Variants in CAPN2 observed in about 807,000 individuals in gnomAD.
The protein encoded by CAPN2 is calpain 2.
CAPN2 carries 92 observed loss-of-function variants against 102.3 expected under a neutral mutation model. The observed-to-expected ratio is 0.90, with a 90% CI of 0.76 to 1.07. CAPN2 has a LOEUF of 1.07. Ranked by LOEUF, CAPN2 falls within the 50% of genes least tolerant of loss-of-function variation. The pLI, the probability that CAPN2 is intolerant of heterozygous loss-of-function variation, is 0.00. For synonymous variants in CAPN2, 340 were observed against 355.4 expected, an observed-to-expected ratio of 0.96 and a Z score of 0.49; for missense variants, 800 against 909.4, an observed-to-expected ratio of 0.88 and a Z score of 1.55.
intron 2 of CAPN2, among the ~76,000 whole-genome samples, chr1:223,734,612 T>C (rs966678081): frequency 7.9e-5 from 12 of 151,334 alleles, no homozygotes; most frequent in Admixed American, 6.6e-4. Context: ...CACAACCCTC[T>C]CTCCTTGCCC....
At chr1:223,739,724 C>G (rs1247413220) in intron 2 of CAPN2, among the ~76,000 whole-genome samples, 2 of 152,168 alleles carry the variant, frequency 1.3e-5, no homozygotes, top group African/African-American at 4.8e-5. Flanking sequence ...TTTGCAGATA[C>G]ATAATATTAA....
At chr1:223,719,035 A>G (rs1414788135) in intron 2 of CAPN2, among the ~76,000 whole-genome samples, 2 of 152,200 alleles carry the variant, frequency 1.3e-5, no homozygotes, top group Non-Finnish European at 2.9e-5. Flanking sequence ...TGGGCGGGAA[A>G]GTTTGTCTGA....
At chr1:223,745,131 G>A (rs148106740) in intron 3 of CAPN2, among the ~76,000 whole-genome samples, 175 bp from the exon 4 acceptor site, 8 of 151,966 alleles carry the variant, frequency 5.3e-5, no homozygotes, top group South Asian at 2.1e-4. Flanking sequence ...CTCTGTCTTC[G>A]CTTTTTTAGT....
intron 2 of CAPN2, among the ~76,000 whole-genome samples, chr1:223,728,039 G>T (rs1258027575): frequency 6.6e-6 from 1 of 152,084 alleles, no homozygotes; most frequent in African/African-American, 2.4e-5. Flanking sequence ...GACTCTGTTA[G>T]CAGGTGTATC....
chr1:223,753,933 GC>G (rs1660968372), intron 9 of CAPN2, among the ~76,000 whole-genome samples: 1 of 152,036 alleles, frequency 6.6e-6, no homozygotes, highest in Non-Finnish European at 1.5e-5. Flanking sequence ...AACACTTCTG[GC>G]CCCAGGAATT....
intron 1 of CAPN2, among the ~76,000 whole-genome samples, chr1:223,705,853 A>C (rs908688151): frequency 6.6e-6 from 1 of 152,222 alleles, no homozygotes; most frequent in African/African-American, 2.4e-5. Context: ...TTCCCCAAAT[A>C]ATTTCACATA....
At chr1:223,737,711 G>GT (rs1558066451) in intron 2 of CAPN2, among the ~76,000 whole-genome samples, 2 of 30,836 alleles carry the variant, frequency 6.5e-5, no homozygotes, top group African/African-American at 1.6e-4. Context: ...ACGGGGCGGG[G>GT]GGTGGGGGGG....
chr1:223,745,596 C>A (rs1347697014), intron 4 of CAPN2, among the ~76,000 whole-genome samples, 157 bp downstream of exon 4: 1 of 152,172 alleles, frequency 6.6e-6, no homozygotes, highest in Non-Finnish European at 1.5e-5. Context: ...CATGATGAAA[C>A]CCCGTCTCTA....
At chr1:223,710,332 C>A (rs1659702485), upstream of CAPN2, among the ~76,000 whole-genome samples, 1 of 152,126 alleles carries the variant, frequency 6.6e-6, no homozygotes, top group Non-Finnish European at 1.5e-5. Context: ...AAAGGCTAGA[C>A]CCAGATCTTC....
intron 2 of CAPN2, among the ~76,000 whole-genome samples, chr1:223,743,611 C>T (rs1221383588): frequency 6.6e-6 from 1 of 152,178 alleles, no homozygotes; most frequent in Admixed American, 6.5e-5. Context: ...CCTGCCGCAG[C>T]CTCCCAAGTA....
intron 2 of CAPN2, 21 bp from the exon 3 acceptor site, chr1:223,744,079 C>T (rs534513310): frequency 1.3e-6 from 2 of 1,506,998 alleles, no homozygotes; most frequent in South Asian, 1.1e-5. Flanking sequence ...CTGATAAGAG[C>T]TCCTTGTGCT....
intron 14 of CAPN2, among the ~76,000 whole-genome samples, chr1:223,762,541 C>T (rs1661216163): frequency 6.6e-6 from 1 of 152,160 alleles, no homozygotes; most frequent in Admixed American, 6.5e-5. Flanking sequence ...CTCTGTTCTA[C>T]ACCAATTGAG....
At chr1:223,738,666 G>A (rs1202283540) in intron 2 of CAPN2, among the ~76,000 whole-genome samples, 1 of 152,214 alleles carries the variant, frequency 6.6e-6, no homozygotes, top group African/African-American at 2.4e-5. Flanking sequence ...CAGCTGACAG[G>A]AGCAGCCTCC....
chr1:223,724,449 T>A (rs73121394), intron 2 of CAPN2, among the ~76,000 whole-genome samples: 3 of 152,114 alleles, frequency 2.0e-5, no homozygotes, highest in Non-Finnish European at 4.4e-5. Flanking sequence ...TCTGCACTGC[T>A]CCAAACAGCA....
At chr1:223,749,781 G>A (rs1174679224) in intron 6 of CAPN2, among the ~76,000 whole-genome samples, 2 of 152,170 alleles carry the variant, frequency 1.3e-5, no homozygotes, top group African/African-American at 2.4e-5. Flanking sequence ...TTGGGAGACC[G>A]AGGTGGGAGG....
intron 16 of CAPN2, among the ~76,000 whole-genome samples, chr1:223,767,164 G>A (rs574838030): frequency 5.8e-4 from 85 of 147,602 alleles, no homozygotes; most frequent in African/African-American, 2.1e-3. Context: ...GATCAAGATC[G>A]TCGTCTTCTT....
intron 14 of CAPN2, among the ~76,000 whole-genome samples, chr1:223,762,725 G>A (rs1661219008): frequency 6.6e-6 from 1 of 151,990 alleles, no homozygotes; most frequent in Non-Finnish European, 1.5e-5. Context: ...CTGTCACCCA[G>A]GCTGGAGTGC....
chr1:223,759,134 C>A lies in CAPN2; in HGVS notation c.1318-136C>A. 2.5e-6 allele frequency: 2 copies of A among 790,862 alleles called. No individual in the cohort carries two copies. The highest frequency in any genetic ancestry group is 4.3e-6 in the Non-Finnish European group (2 of 462,276). 49.0% of individuals were successfully genotyped at this position (790,862 alleles called of 1,614,324 possible). ...GCCCAGGCTGGTTTCTGACGCCTGG[C>A]CTCGCCTCCTTATACACCAGGACAG... is the stretch of plus-strand genomic sequence containing the variant. On this transcript the variant is annotated intron_variant, in intron 11 of 20. Transcript: ENST00000295006. The surrounding 1 kb of genome is among the most constrained non-coding windows in gnomAD (Gnocchi z 4.6).
intron 16 of CAPN2, among the ~76,000 whole-genome samples, chr1:223,767,459 G>C (rs1247386650): frequency 6.8e-6 from 1 of 146,940 alleles, no homozygotes; most frequent in African/African-American, 2.5e-5. Flanking sequence ...TTGTTCTTGC[G>C]ATAGTTTACT....
Sources: allele counts gnomAD v4.1 joint callset (sites outside exome capture counted in the v4.1 genomes callset), GRCh38; gene constraint gnomAD v4.1.1; non-coding constraint Gnocchi (gnomAD v3.1); transcripts MANE v1.5; gene names NCBI Gene and HGNC (gene_info 2026-07-23, HGNC 2026-07-21).